UBXN11: variants seen among roughly 807,000 people sequenced by gnomAD.
UBXN11 encodes UBX domain-containing protein 11.
Under a neutral mutation model 62.8 loss-of-function variants are expected in UBXN11, and 47 were observed. The observed-to-expected ratio is 0.75, with a 90% confidence interval of 0.59 to 0.95. The LOEUF (loss-of-function observed/expected upper bound fraction) is 0.95, where lower values mean the gene tolerates loss of function less well. UBXN11 is among the 40% of genes least tolerant of loss of function. UBXN11 has a pLI of 0.00. For synonymous variants in UBXN11, 294 were observed against 267.0 expected, an observed-to-expected ratio of 1.10 and a Z score of -0.99; for missense variants, 638 against 661.7, an observed-to-expected ratio of 0.96 and a Z score of 0.39.
At chr1:26,285,785 G>A (rs1216153319) in intron 9 of UBXN11, 38 bp downstream of exon 9, 8 of 1,561,458 alleles carry the variant, frequency 5.1e-6, no homozygotes, top group East Asian at 4.6e-5. Context: ...TGGGCAGCAG[G>A]GGCACTAGAG....
At chr1:26,288,019 C>T (rs1347716876) in intron 8 of UBXN11, among the ~76,000 whole-genome samples, 1 of 151,816 alleles carries the variant, frequency 6.6e-6, no homozygotes, top group East Asian at 1.9e-4. Context: ...CCTCCCACCT[C>T]AGCCTCCCAA....
At position 26,285,365 on chromosome 1, in the gene UBXN11, G is replaced by A. The variant is rs771662452; in HGVS notation, c.852+99C>T. On this transcript the variant is annotated intron_variant, in intron 10 of 14. Transcript: ENST00000374222. ...ATCAGACTGGGGTCCCCCAGGGAGT[G>A]CAGCGGCTTCCCCTCAGAATGGGAG... 4 of 1,547,632 alleles carry A rather than the reference G, an allele frequency of 2.6e-6. No homozygotes were observed. In the Admixed American group the frequency reaches 7.9e-5, roughly 30 times the overall value.
At chr1:26,291,655 C>G (rs2073269043) in intron 8 of UBXN11, among the ~76,000 whole-genome samples, 2 of 152,216 alleles carry the variant, frequency 1.3e-5, no homozygotes, top group African/African-American at 2.4e-5. Context: ...CAGCCCGCCA[C>G]AGCAGGGCCC....
intron 12 of UBXN11, 120 bp downstream of exon 12, chr1:26,284,022 G>T: frequency 9.7e-7 from 1 of 1,027,318 alleles, no homozygotes; most frequent in Non-Finnish European, 1.4e-6. Flanking sequence ...CAACAGCTCT[G>T]AGGGACTCAT....
At chr1:26,309,740 C>T (rs1038327546), upstream of UBXN11, among the ~76,000 whole-genome samples, 30 of 152,084 alleles carry the variant, frequency 2.0e-4, 1 homozygote, top group Admixed American at 1.7e-3. Context: ...GCTCAAGATA[C>T]TTCACTTGTC....
At chr1:26,310,487 A>G (rs374991826), upstream of UBXN11, among the ~76,000 whole-genome samples, 39 of 151,718 alleles carry the variant, frequency 2.6e-4, 1 homozygote, top group East Asian at 7.0e-3. Context: ...ACAGTGAGCC[A>G]AGGTCGCATC....
intron 8 of UBXN11, among the ~76,000 whole-genome samples, chr1:26,293,427 TTAAAAA>T (rs2073317430): frequency 6.6e-6 from 1 of 151,768 alleles, no homozygotes; most frequent in Non-Finnish European, 1.5e-5. Flanking sequence ...ATATTAGAAG[TTAAAAA>T]TAAGACATGG....
chr1:26,290,636 C>T (rs1019948978), intron 8 of UBXN11, among the ~76,000 whole-genome samples: 1 of 152,094 alleles, frequency 6.6e-6, no homozygotes. Flanking sequence ...GCTGCGGAGT[C>T]AGGGGGCCTC....
chr1:26,292,111 G>A (rs2073282451), intron 8 of UBXN11, among the ~76,000 whole-genome samples: 1 of 152,160 alleles, frequency 6.6e-6, no homozygotes, highest in Non-Finnish European at 1.5e-5. Context: ...CCTTACAGTG[G>A]GCTGTCAGCC....
At chr1:26,310,716 A>C (rs536109470), upstream of UBXN11, among the ~76,000 whole-genome samples, 15 of 129,338 alleles carry the variant, frequency 1.2e-4, no homozygotes. Context: ...CGACAGTGCC[A>C]GACTCTGTCT....
At position 26,298,050 on chromosome 1, in the gene UBXN11, T is replaced by C. The variant is rs751528344; in HGVS notation, c.212A>G (p.His71Arg). The change falls in exon 5 of 15, where the codon CAT (histidine) becomes CGT (arginine). Residue 71 changes from histidine (H) to arginine (R), a missense_variant. Coordinates refer to ENST00000374222, the MANE Select transcript of UBXN11 (RefSeq NM_001389556.1). ...CATGAAGGCCATCAGCTCCGAGTCA[T>C]GGGATGCAGGGACTGCCAAGCACAC... ...APVSRQVPASHDSELMAFMTR... is the reference protein window; with the variant it reads ...APVSRQVPASRDSELMAFMTR... 1.3e-5 allele frequency: 21 copies of C among 1,613,380 alleles called. No individual in the cohort carries two copies. Among genetic ancestry groups the C allele is most frequent in the Middle Eastern group, 1.7e-4 (1 of 6,058 alleles).
intron 1 of UBXN11, among the ~76,000 whole-genome samples, chr1:26,315,118 T>C (rs2073779870): frequency 6.6e-6 from 1 of 152,042 alleles, no homozygotes; most frequent in Non-Finnish European, 1.5e-5. Flanking sequence ...GGTAAAATAA[T>C]TGGAGAAGGG....
intron 10 of UBXN11, chr1:26,284,849 C>T: frequency 9.7e-7 from 1 of 1,031,400 alleles, no homozygotes. Context: ...CCTCACTTGC[C>T]TTATCAAGGC....
chr1:26,308,390 G>A (rs1020304606), upstream of UBXN11, among the ~76,000 whole-genome samples: 11 of 152,216 alleles, frequency 7.2e-5, no homozygotes, highest in South Asian at 4.1e-4. Flanking sequence ...AACCCAGAAC[G>A]GTCAGCCTCA....
At chr1:26,310,105 AAGG>A (rs1169257994), upstream of UBXN11, among the ~76,000 whole-genome samples, 2 of 152,154 alleles carry the variant, frequency 1.3e-5, no homozygotes, top group East Asian at 3.9e-4. Context: ...CCGGCCCAAA[AAGG>A]AGGAGTTTTT....
At chr1:26,291,595 G>A (rs1015380815) in intron 8 of UBXN11, among the ~76,000 whole-genome samples, 4 of 152,206 alleles carry the variant, frequency 2.6e-5, no homozygotes, top group African/African-American at 9.6e-5. Flanking sequence ...CCCTGGCCAG[G>A]AGGAAGGCTG....
At chr1:26,286,170 C>G in intron 8 of UBXN11, 133 bp from the exon 9 acceptor site, 2 of 723,488 alleles carry the variant, frequency 2.8e-6, no homozygotes, top group Non-Finnish European at 4.3e-6. Context: ...GGGAAAAGGA[C>G]AACGCTAGAT....
intron 8 of UBXN11, among the ~76,000 whole-genome samples, chr1:26,288,246 C>G (rs1216699101): frequency 6.6e-6 from 1 of 152,080 alleles, no homozygotes; most frequent in Non-Finnish European, 1.5e-5. Context: ...CTGCCGCCTC[C>G]CAGGGCCGGG....
intron 1 of UBXN11, among the ~76,000 whole-genome samples, chr1:26,316,371 C>T (rs1432222468): frequency 1.3e-5 from 2 of 151,764 alleles, no homozygotes; most frequent in African/African-American, 4.8e-5. Context: ...CCCTTTACTA[C>T]CTAGCATGTA....
Sources: allele counts gnomAD v4.1 joint callset (sites outside exome capture counted in the v4.1 genomes callset), GRCh38; gene constraint gnomAD v4.1.1; transcripts MANE v1.5; gene names NCBI Gene and HGNC (gene_info 2026-07-23, HGNC 2026-07-21).